The following PAPOLA variants were observed in gnomAD, a reference collection of about 807,000 sequenced individuals.
PAPOLA encodes the protein poly(A) polymerase alpha.
Under a neutral mutation model 100.6 loss-of-function variants are expected in PAPOLA, and 15 were observed. That is an observed-to-expected ratio of 0.15 (90% CI 0.10 to 0.23). The LOEUF is 0.23. PAPOLA is among the 10% of genes least tolerant of loss of function. The pLI, the probability that PAPOLA is intolerant of heterozygous loss-of-function variation, is 1.00. For synonymous variants in PAPOLA, 293 were observed against 300.0 expected (o/e 0.98, Z 0.24); for missense variants, 533 against 884.2 (o/e 0.60, Z 5.04).
intron 4 of PAPOLA, chr14:96,526,078 C>G (rs1898448889): frequency 6.6e-6 from 1 of 152,092 alleles, no homozygotes; most frequent in South Asian, 2.1e-4. Context: ...GTATTCATAG[C>G]CAATGATAAT....
In PAPOLA at chr14:96,532,325, A is replaced by G. The variant is rs754347077; in HGVS notation, c.608-6A>G. On this transcript the variant is annotated splice_polypyrimidine_tract_variant and splice_region_variant and intron_variant, in intron 7 of 21. Coordinates refer to ENST00000216277, the MANE Select transcript of PAPOLA (RefSeq NM_032632.5). ...GTGTGTGTTTTTTTTTACCCCTATT[A>G]ATTAGGTTGCAGGGTAACCGATGAA... is the stretch of plus-strand genomic sequence containing the variant. The G allele has an allele frequency of 6.3e-7, 1 of 1,597,560 alleles. No homozygotes were observed. Among genetic ancestry groups the G allele is most frequent in the Non-Finnish European group, 8.5e-7 (1 of 1,175,340 alleles).
At chr14:96,539,387 T>C (rs1899794110) in intron 12 of PAPOLA, among the ~76,000 whole-genome samples, 1 of 152,134 alleles carries the variant, frequency 6.6e-6, no homozygotes, top group African/African-American at 2.4e-5. Flanking sequence ...ATTGTACATC[T>C]GAGTTATGAT....
In PAPOLA at chr14:96,565,109, C is replaced by A; in HGVS notation, c.*59C>A. ...CAACTCAACCTGTTGTCTTCAAATG[C>A]TAAAAAAGGAGAATGGAGGGTACAA... On this transcript the variant is annotated 3_prime_UTR_variant, in exon 22 of 22. Coordinates refer to ENST00000216277, the MANE Select transcript of PAPOLA (RefSeq NM_032632.5). 2 of 928,324 alleles carry A rather than the reference C, an allele frequency of 2.2e-6. No homozygotes were observed. The highest frequency in any genetic ancestry group is 3.6e-6 in the Non-Finnish European group (2 of 557,518). 57.5% of individuals were successfully genotyped at this position (928,324 alleles called of 1,614,324 possible).
At chr14:96,536,093 G>T in intron 11 of PAPOLA, 94 bp downstream of exon 11, 1 of 932,172 alleles carries the variant, frequency 1.1e-6, no homozygotes, top group Non-Finnish European at 1.5e-6. Flanking sequence ...ATTGAAGAAG[G>T]ATTCACTGAA....
chr14:96,517,698 C>CTT (rs774296764), intron 1 of PAPOLA, among the ~76,000 whole-genome samples: 2,088 of 121,830 alleles, frequency 0.017, 73 homozygotes, highest in African/African-American at 0.059. Flanking sequence ...TCAGCAAATG[C>CTT]TTTTTTTTTT....
At chr14:96,508,545 A>G (rs1215582490) in intron 1 of PAPOLA, among the ~76,000 whole-genome samples, 1 of 152,248 alleles carries the variant, frequency 6.6e-6, no homozygotes, top group Non-Finnish European at 1.5e-5. Flanking sequence ...GGCAGAAGCC[A>G]GTTCTGGCTT....
Position 96,555,635 on chromosome 14 carries a change from T to TA in PAPOLA, c.1665-211dup, listed in dbSNP as rs1336502438. Among the ~76,000 whole-genome samples the TA allele has an allele frequency of 3.0e-4, 46 of 152,300 alleles. 1 individual carries two copies. The highest frequency in any genetic ancestry group is 2.8e-3 in the Admixed American group (43 of 15,298). On this transcript the variant is annotated intron_variant, in intron 17 of 21. Transcript: ENST00000216277. ...ATTCTGTCATCTCAGGAAGTAACAT[T>TA]AGACAGTGCTGCTTTAGAAGGTTTG...
chr14:96,556,433 ATTAG>A lies in PAPOLA; in HGVS notation c.2004+25_2004+28del. On this transcript the variant is annotated intron_variant, in intron 19 of 21. Transcript: ENST00000216277. Reference sequence around the variant, plus strand: ...GAAGAGGTATATATATGAAAAACATATTAGTTAGCCATGGCAACACCAACTGCCT... The same window carrying A: ...GAAGAGGTATATATATGAAAAACATATTAGCCATGGCAACACCAACTGCCT... 1.3e-6 allele frequency: 2 copies of A among 1,492,174 alleles called. No homozygotes were observed. The highest frequency in any genetic ancestry group is 1.9e-6 in the Non-Finnish European group (2 of 1,072,322). The allele number at this position is 1,492,174 out of a possible 1,614,324, so 92.4% of individuals were successfully genotyped here.
chr14:96,527,163 T>G, intron 4 of PAPOLA: 1 of 429,046 alleles, frequency 2.3e-6, no homozygotes, highest in Non-Finnish European at 4.1e-6. Flanking sequence ...CTCTCCACCA[T>G]GAAAGTACTT....
At chr14:96,516,082 G>T (rs1028232335) in intron 1 of PAPOLA, among the ~76,000 whole-genome samples, 3 of 152,134 alleles carry the variant, frequency 2.0e-5, no homozygotes, top group African/African-American at 7.2e-5. Flanking sequence ...TCCTTAAATT[G>T]TTTTATCACT....
chr14:96,553,544 G>A (rs185535329), intron 17 of PAPOLA: 1,999 of 151,062 alleles, frequency 0.013, 21 homozygotes, highest in Non-Finnish European at 0.021. Context: ...TTTGAGTCTC[G>A]CTCTGTCACC....
chr14:96,548,373 G>A (rs938904218), intron 16 of PAPOLA, among the ~76,000 whole-genome samples: 1 of 152,050 alleles, frequency 6.6e-6, no homozygotes, highest in African/African-American at 2.4e-5. Flanking sequence ...GTTGCTGAGT[G>A]TAAAGGAGGT....
intron 15 of PAPOLA, among the ~76,000 whole-genome samples, chr14:96,546,443 C>G (rs1320724580): frequency 6.6e-6 from 1 of 152,090 alleles, no homozygotes. Flanking sequence ...TTGTCTCACT[C>G]AAAATAAAAG....
At chr14:96,551,200 A>T (rs529521257) in intron 16 of PAPOLA, among the ~76,000 whole-genome samples, 123 of 152,334 alleles carry the variant, frequency 8.1e-4, no homozygotes, top group African/African-American at 2.9e-3. Context: ...AACCAGATAA[A>T]CTTTCACAGT....
At chr14:96,536,448 C>A (rs962770615) in intron 11 of PAPOLA, among the ~76,000 whole-genome samples, 1 of 151,984 alleles carries the variant, frequency 6.6e-6, no homozygotes, top group South Asian at 2.1e-4. Flanking sequence ...TAGCTACTAC[C>A]AAATAGTCTT....
At chr14:96,516,674 G>A (rs1897493826) in intron 1 of PAPOLA, among the ~76,000 whole-genome samples, 1 of 152,210 alleles carries the variant, frequency 6.6e-6, no homozygotes, top group African/African-American at 2.4e-5. Flanking sequence ...TGGAACACAT[G>A]TGGTTTTATC....
At chr14:96,562,734 T>A in intron 20 of PAPOLA, 85 bp from the exon 21 acceptor site, 1 of 768,350 alleles carries the variant, frequency 1.3e-6, no homozygotes, top group South Asian at 1.6e-5. Context: ...CAGTTTGTCT[T>A]CTTTATTAGC....
chr14:96,504,007 T>A (rs1403756628), intron 1 of PAPOLA, among the ~76,000 whole-genome samples: 1 of 152,204 alleles, frequency 6.6e-6, no homozygotes, highest in Non-Finnish European at 1.5e-5. Context: ...AGGTCTAAAA[T>A]CTTGGAATCT....
At chr14:96,530,840 G>A (rs1435084909) in intron 6 of PAPOLA, among the ~76,000 whole-genome samples, 2 of 152,088 alleles carry the variant, frequency 1.3e-5, no homozygotes, top group African/African-American at 4.8e-5. Context: ...TTGAGTCAGG[G>A]TTTTACTCCT....
Sources: gnomAD v4.1 joint callset for allele counts (sites outside exome capture counted in the v4.1 genomes callset) on GRCh38, gnomAD v4.1.1 for gene constraint, MANE v1.5 for transcripts, NCBI Gene and HGNC (gene_info 2026-07-23, HGNC 2026-07-21) for gene names.